THNSL1: variants seen among roughly 807,000 people sequenced by gnomAD.
The protein encoded by THNSL1 is threonine synthase-like 1.
A neutral mutation model predicts 50.4 loss-of-function variants in THNSL1; 48 were observed. The ratio of observed to expected loss-of-function variants is 0.95; its 90% confidence interval spans 0.76 to 1.21. THNSL1 has a LOEUF of 1.21. Ranked by LOEUF, THNSL1 falls within the 50% of genes most tolerant of loss-of-function variation. THNSL1 has a pLI of 0.00. For missense variants in THNSL1, 896 were observed against 871.7 expected (o/e 1.03, Z -0.35); for synonymous variants, 309 against 306.1 (o/e 1.01, Z -0.10).
chr10:24,967,200 G>A, the THNSL1 span, among the ~76,000 whole-genome samples: 1 of 151,996 alleles, frequency 6.6e-6, no homozygotes, highest in African/African-American at 2.4e-5. Flanking sequence ...GTGTGTGCAT[G>A]TACATGTGTG....
chr10:24,956,912 C>T, the THNSL1 span, among the ~76,000 whole-genome samples: 3 of 152,096 alleles, frequency 2.0e-5, no homozygotes, highest in African/African-American at 7.2e-5. Context: ...TATGGTGAAC[C>T]GCACATGGGA....
the THNSL1 span, among the ~76,000 whole-genome samples, chr10:24,978,248 C>T: frequency 6.6e-6 from 1 of 151,950 alleles, no homozygotes; most frequent in African/African-American, 2.4e-5. Context: ...CCTTTGGCTT[C>T]GCTCCACAAT....
At chr10:24,981,088 T>C in the THNSL1 span, among the ~76,000 whole-genome samples, 581 of 152,336 alleles carry the variant, frequency 3.8e-3, 8 homozygotes, top group South Asian at 0.043. Context: ...GCACTGATTA[T>C]GGGGATTTAT....
the THNSL1 span, among the ~76,000 whole-genome samples, chr10:24,961,940 T>C: frequency 6.6e-6 from 1 of 152,218 alleles, no homozygotes; most frequent in Non-Finnish European, 1.5e-5. Flanking sequence ...TCATGCCAGT[T>C]CCTGCTTCTT....
the THNSL1 span, among the ~76,000 whole-genome samples, chr10:24,997,260 A>G: frequency 7.2e-5 from 11 of 152,160 alleles, no homozygotes; most frequent in African/African-American, 2.2e-4. Flanking sequence ...CTAAAAAAGA[A>G]AAGCAAAAAT....
the THNSL1 span, among the ~76,000 whole-genome samples, chr10:25,007,356 T>C: frequency 6.6e-6 from 1 of 152,234 alleles, no homozygotes; most frequent in Non-Finnish European, 1.5e-5. Flanking sequence ...TTTATGTATA[T>C]ATGAAATGCC....
chr10:25,025,819 A>G lies in THNSL1; in HGVS notation c.*364A>G, dbSNP rs778333969. 4 of 190,416 alleles carry G rather than the reference A, an allele frequency of 2.1e-5. No individual in the cohort carries two copies. The highest frequency in any genetic ancestry group is 4.8e-5 in the Non-Finnish European group (4 of 82,956). 11.8% of individuals were successfully genotyped at this position (190,416 alleles called of 1,614,324 possible). A position where few individuals can be genotyped will look rare whatever the true frequency, so the allele number is the denominator to read the frequency against. On this transcript the variant is annotated 3_prime_UTR_variant, in exon 3 of 3. Transcript: ENST00000376356. ...CCAGTTTTCAGGTACTACATCTGTA[A>G]CTAGTGAATACTCTGTTGATTAGAA...
the THNSL1 span, among the ~76,000 whole-genome samples, chr10:24,971,603 G>C: frequency 6.6e-6 from 1 of 152,216 alleles, no homozygotes; most frequent in African/African-American, 2.4e-5. Context: ...AGTGTCAAGT[G>C]GGGTTTTAAT....
chr10:24,963,750 C>T, the THNSL1 span, among the ~76,000 whole-genome samples: 1 of 152,178 alleles, frequency 6.6e-6, no homozygotes, highest in African/African-American at 2.4e-5. Flanking sequence ...AGCCCGTTTG[C>T]TTTTTCCTAG....
At chr10:25,006,342 C>T in the THNSL1 span, among the ~76,000 whole-genome samples, 301 of 152,156 alleles carry the variant, frequency 2.0e-3, 2 homozygotes, top group African/African-American at 6.7e-3. Context: ...CTCCTCTCTC[C>T]GTGAATCCTG....
At chr10:24,974,494 T>C in the THNSL1 span, among the ~76,000 whole-genome samples, 2 of 152,214 alleles carry the variant, frequency 1.3e-5, no homozygotes, top group Non-Finnish European at 2.9e-5. Context: ...CAATGCCAGA[T>C]ACTATTTAAA....
chr10:24,975,758 C>G, the THNSL1 span, among the ~76,000 whole-genome samples: 1 of 152,194 alleles, frequency 6.6e-6, no homozygotes, highest in Admixed American at 6.5e-5. Context: ...AACCTCTTCA[C>G]TTTATAAATT....
the THNSL1 span, among the ~76,000 whole-genome samples, chr10:24,987,674 A>C: frequency 3.9e-5 from 6 of 152,164 alleles, no homozygotes; most frequent in Non-Finnish European, 8.8e-5. Context: ...CCCTGACTGA[A>C]GTAGCCTCCC....
upstream of THNSL1, among the ~76,000 whole-genome samples, chr10:25,014,894 A>G (rs566624411): frequency 5.0e-4 from 76 of 152,346 alleles, no homozygotes; most frequent in African/African-American, 1.8e-3. Flanking sequence ...ATTGACCATT[A>G]GATCTAAAAG....
At chr10:24,967,002 AT>A in the THNSL1 span, among the ~76,000 whole-genome samples, 80 of 148,192 alleles carry the variant, frequency 5.4e-4, no homozygotes, top group East Asian at 4.7e-3. Flanking sequence ...ATAACAATTT[AT>A]TTTTTTTTTT....
chr10:24,967,965 ATG>A, the THNSL1 span, among the ~76,000 whole-genome samples: 3 of 141,156 alleles, frequency 2.1e-5, no homozygotes, highest in African/African-American at 8.0e-5. Context: ...ATGTGTGTGT[ATG>A]TATGATGTGT....
Position 25,024,428 on chromosome 10 carries a change from C to T in THNSL1, c.1205C>T (p.Ala402Val), listed in dbSNP as rs370053457. The T allele has an allele frequency of 6.2e-6, 10 of 1,613,956 alleles. No homozygotes were observed. Among genetic ancestry groups the T allele is most frequent in the East Asian group, 2.2e-5 (1 of 44,880 alleles). The change falls in exon 3 of 3, where the codon GCT becomes GTT. Residue 402 changes from alanine (A) to valine (V), a missense_variant. Physicochemically the swap from Ala to Val is moderately conservative, Grantham distance 64. Coordinates refer to ENST00000376356, the MANE Select transcript of THNSL1 (RefSeq NM_024838.5). ...RLNKNDKQRIAVVAFFPENGV... is the reference protein window; with the variant it reads ...RLNKNDKQRIVVVAFFPENGV... Reference sequence around the variant, plus strand: ...AATAAGAATGATAAGCAAAGGATAGCTGTGGTTGCATTTTTTCCTGAGAAT... The same window carrying T: ...AATAAGAATGATAAGCAAAGGATAGTTGTGGTTGCATTTTTTCCTGAGAAT...
chr10:24,952,439 C>G, the THNSL1 span: 4 of 1,442,970 alleles, frequency 2.8e-6, no homozygotes, highest in African/African-American at 1.4e-5. This position sits in a 1 kb window ranked among gnomAD's most constrained non-coding sequence, Gnocchi z 5.1. Flanking sequence ...TCTCTCTCCC[C>G]CGACGCACGG....
upstream of THNSL1, chr10:25,015,938 G>A (rs1451956239): frequency 6.2e-7 from 1 of 1,604,762 alleles, no homozygotes; most frequent in Admixed American, 1.7e-5. Flanking sequence ...TGGATCCATG[G>A]CCACCAAATG....
Sources: gnomAD v4.1 joint callset for allele counts (sites outside exome capture counted in the v4.1 genomes callset) on GRCh38, gnomAD v4.1.1 for gene constraint, Gnocchi (gnomAD v3.1) non-coding constraint, MANE v1.5 for transcripts, NCBI Gene and HGNC (gene_info 2026-07-23, HGNC 2026-07-21) for gene names.